LMF1: variants seen among roughly 807,000 people sequenced by gnomAD.
The protein encoded by LMF1 is lipase maturation factor 1.
In LMF1, 68 loss-of-function variants were observed where a neutral mutation model predicts 60.6. That is an observed-to-expected ratio of 1.12 (90% confidence interval 0.92 to 1.37). LMF1 has a LOEUF of 1.37. LMF1 is among the 40% of genes most tolerant of loss of function. LMF1 has a pLI of 0.00. For missense variants in LMF1, 948 were observed against 767.2 expected, an observed-to-expected ratio of 1.24 and a Z score of -2.78; for synonymous variants, 418 against 324.7, an observed-to-expected ratio of 1.29 and a Z score of -3.09.
chr16:918,661 C>T (rs762422382), intron 3 of LMF1, among the ~76,000 whole-genome samples: 8 of 152,166 alleles, frequency 5.3e-5, no homozygotes, highest in Non-Finnish European at 1.2e-4. Flanking sequence ...TCCTGGGTCA[C>T]GGGGTGTGCC....
At chr16:953,436 C>G (rs2072552447) in intron 2 of LMF1, among the ~76,000 whole-genome samples, 1 of 69,126 alleles carries the variant, frequency 1.4e-5, no homozygotes, top group Admixed American at 1.3e-4. Context: ...TTCACACAGA[C>G]ACGGACCCCA....
At chr16:925,293 C>T (rs2071562255) in intron 3 of LMF1, among the ~76,000 whole-genome samples, 1 of 152,206 alleles carries the variant, frequency 6.6e-6, no homozygotes, top group African/African-American at 2.4e-5. Flanking sequence ...ATCACAGCAA[C>T]AAAACACTTC....
intron 3 of LMF1, among the ~76,000 whole-genome samples, chr16:918,304 C>G (rs1053425910): frequency 6.6e-6 from 1 of 152,222 alleles, no homozygotes; most frequent in African/African-American, 2.4e-5. Context: ...GACAACCAGA[C>G]TTCCTAGCCC....
In LMF1 at chr16:888,691, C is replaced by T. The variant is rs116522114; in HGVS notation, c.729+4316G>A. On this transcript the variant is annotated intron_variant, in intron 5 of 10. Coordinates refer to ENST00000262301, the MANE Select transcript of LMF1 (RefSeq NM_022773.4). ...ATTCTGGACGGCGCCCGTCCCTGGT[C>T]GACAGACGGAGCAGTGGCCATGCCC... Among the ~76,000 whole-genome samples, 1,407 of 152,214 alleles carry T rather than the reference C, an allele frequency of 9.2e-3. 18 individuals are homozygous for T. Among genetic ancestry groups the T allele is most frequent in the African/African-American group, 0.031 (1,300 of 41,518 alleles).
chr16:857,445 C>G, intron 10 of LMF1, among the ~76,000 whole-genome samples: 1 of 141,778 alleles, frequency 7.1e-6, no homozygotes, highest in African/African-American at 2.8e-5. Flanking sequence ...TGTCACGGGA[C>G]GGGTGTGAGT....
chr16:937,547 T>G lies in LMF1; in HGVS notation c.504-3293A>C, dbSNP rs1394617036. ...ACAGGCTGCTGGGGTCTCTGTTGAC[T>G]GACAGGTCGTTGGGGTCTCTGTGCT... On this transcript the variant is annotated intron_variant, in intron 2 of 10. Coordinates refer to ENST00000262301, the MANE Select transcript of LMF1 (RefSeq NM_022773.4). 2.0e-5 allele frequency among the ~76,000 whole-genome samples: 3 copies of G among 151,996 alleles called. No individual in the cohort carries two copies. In the South Asian group the frequency reaches 6.2e-4, roughly 32 times the overall value.
chr16:893,987 G>A (rs1188389799), intron 4 of LMF1, among the ~76,000 whole-genome samples: 2 of 151,686 alleles, frequency 1.3e-5, no homozygotes, highest in African/African-American at 4.9e-5. Context: ...CCATCCACCT[G>A]TCCACCCCAC....
intron 1 of LMF1, among the ~76,000 whole-genome samples, chr16:956,390 C>T (rs993935166): frequency 1.3e-5 from 2 of 151,772 alleles, no homozygotes; most frequent in Non-Finnish European, 1.5e-5. Flanking sequence ...CATGTGTAAA[C>T]GTGAAGAATG....
At chr16:861,201 T>C (rs1189679611) in intron 10 of LMF1, among the ~76,000 whole-genome samples, 1 of 152,208 alleles carries the variant, frequency 6.6e-6, no homozygotes, top group African/African-American at 2.4e-5. Flanking sequence ...GGTTTATACC[T>C]AAGTATTTCG....
At position 874,730 on chromosome 16, in the gene LMF1, A is replaced by G. The variant is rs2069920186; in HGVS notation, c.898-3389T>C. Among the ~76,000 whole-genome samples the G allele has an allele frequency of 6.6e-6, 1 of 151,510 alleles. No homozygotes were observed. Among genetic ancestry groups the G allele is most frequent in the South Asian group, 2.1e-4 (1 of 4,812 alleles). ...CACGGAACCAGGACGGGATCCGGGG[A>G]GGCGGCGCTCAGATGGGAACACACG... On this transcript the variant is annotated intron_variant, in intron 6 of 10. Transcript: ENST00000262301. This position sits in a 1 kb window ranked among gnomAD's most constrained non-coding sequence, Gnocchi z 4.1.
rs776448290 is a variant in LMF1 at position 897,716 on chromosome 16, C to T, written c.664-4644G>A. 4.6e-5 allele frequency among the ~76,000 whole-genome samples: 7 copies of T among 152,126 alleles called. No homozygotes were observed. Among genetic ancestry groups the T allele is most frequent in the Non-Finnish European group, 7.4e-5 (5 of 68,020 alleles). Reference sequence around the variant, plus strand: ...GGGTGAAGGGACCGCTGGTGGGCTCCGTGGGCAGAGGCACTATGGGGTCTA... The same window carrying T: ...GGGTGAAGGGACCGCTGGTGGGCTCTGTGGGCAGAGGCACTATGGGGTCTA... On this transcript the variant is annotated intron_variant, in intron 4 of 10. Coordinates refer to ENST00000262301, the MANE Select transcript of LMF1 (RefSeq NM_022773.4). The surrounding 1 kb of genome is among the most constrained non-coding windows in gnomAD (Gnocchi z 4.3).
intron 3 of LMF1, among the ~76,000 whole-genome samples, chr16:926,314 T>G (rs1305031047): frequency 6.6e-6 from 1 of 152,258 alleles, no homozygotes; most frequent in East Asian, 1.9e-4. Context: ...TGCATGTATG[T>G]GCGTGTTTGC....
At chr16:933,559 G>A (rs184884385) in intron 3 of LMF1, 17 of 186,884 alleles carry the variant, frequency 9.1e-5, no homozygotes, top group Non-Finnish European at 1.8e-4. Flanking sequence ...CGAGGCCCAG[G>A]CCAGGGCCTT....
chr16:898,518 G>C (rs536868130), intron 4 of LMF1, among the ~76,000 whole-genome samples: 1 of 152,356 alleles, frequency 6.6e-6, no homozygotes, highest in Non-Finnish European at 1.5e-5. Flanking sequence ...TGGCTGCTGG[G>C]GCCTGGAGCA....
chr16:968,424 TG>T (rs1199902186), intron 1 of LMF1: 1 of 152,240 alleles, frequency 6.6e-6, no homozygotes, highest in Non-Finnish European at 1.5e-5. Context: ...CTATAAACAT[TG>T]TAAAATTCAG....
intron 4 of LMF1, among the ~76,000 whole-genome samples, chr16:896,437 A>C (rs1264476592): frequency 2.6e-5 from 4 of 152,220 alleles, no homozygotes; most frequent in Admixed American, 2.6e-4. Flanking sequence ...TTACTGTTTA[A>C]AGACCTGAAG....
At chr16:901,783 T>G (rs1432149457) in intron 4 of LMF1, 2 of 152,270 alleles carry the variant, frequency 1.3e-5, no homozygotes, top group Non-Finnish European at 2.9e-5. Flanking sequence ...CCCCGCAGCT[T>G]GAGGCAAGGA....
intron 3 of LMF1, among the ~76,000 whole-genome samples, chr16:932,449 G>T (rs558851122): frequency 6.6e-6 from 1 of 152,204 alleles, no homozygotes; most frequent in Non-Finnish European, 1.5e-5. Context: ...TCACGGACTC[G>T]ATTTTGCGAT....
intron 10 of LMF1, among the ~76,000 whole-genome samples, chr16:861,790 CT>C (rs2069475105): frequency 1.3e-5 from 2 of 152,226 alleles, no homozygotes; most frequent in South Asian, 4.1e-4. Context: ...GTCCTGCGTA[CT>C]GCAGTGCCCA....
Sources: allele counts gnomAD v4.1 joint callset (sites outside exome capture counted in the v4.1 genomes callset), GRCh38; gene constraint gnomAD v4.1.1; non-coding constraint Gnocchi (gnomAD v3.1); transcripts MANE v1.5; gene names NCBI Gene and HGNC (gene_info 2026-07-23, HGNC 2026-07-21).